The following CCSER1 variants were observed in gnomAD, a reference collection of about 807,000 sequenced individuals.
The protein encoded by CCSER1 is coiled-coil serine rich protein 1, also known as serine-rich coiled-coil domain-containing protein 1.
CCSER1 carries 41 observed loss-of-function variants against 82.0 expected under a neutral mutation model. The ratio of observed to expected loss-of-function variants is 0.50; its 90% confidence interval spans 0.39 to 0.65. The LOEUF is 0.65. CCSER1 is among the 30% of genes least tolerant of loss of function. CCSER1 has a pLI of 0.00. For missense variants in CCSER1, 1,119 were observed against 1,064.2 expected, an observed-to-expected ratio of 1.05 and a Z score of -0.72; for synonymous variants, 414 against 383.9, an observed-to-expected ratio of 1.08 and a Z score of -0.92.
intron 5 of CCSER1, among the ~76,000 whole-genome samples, chr4:90,509,361 A>G (rs775067532): frequency 1.5e-4 from 23 of 152,156 alleles, no homozygotes; most frequent in Non-Finnish European, 3.1e-4. Context: ...AATAAAAAAC[A>G]AAGAATAATA....
chr4:91,190,107 C>T (rs940888824), intron 10 of CCSER1, among the ~76,000 whole-genome samples: 1 of 152,186 alleles, frequency 6.6e-6, no homozygotes, highest in Non-Finnish European at 1.5e-5. Context: ...CCATGATTTC[C>T]TTATCCTAAT....
At chr4:90,817,219 A>G (rs1759139829) in intron 8 of CCSER1, among the ~76,000 whole-genome samples, 1 of 152,120 alleles carries the variant, frequency 6.6e-6, no homozygotes, top group Non-Finnish European at 1.5e-5. Context: ...ACCTATAGAT[A>G]TTTATTGCAT....
At chr4:90,469,174 A>T (rs1202707096) in intron 5 of CCSER1, among the ~76,000 whole-genome samples, 1 of 152,030 alleles carries the variant, frequency 6.6e-6, no homozygotes. Context: ...ATTTTTCTCC[A>T]TTGGATTACA....
chr4:91,428,393 C>T (rs1754111661), intron 10 of CCSER1, among the ~76,000 whole-genome samples: 1 of 151,998 alleles, frequency 6.6e-6, no homozygotes, highest in East Asian at 1.9e-4. Flanking sequence ...GACATGTGAA[C>T]AAATTTGGGT....
intron 10 of CCSER1, among the ~76,000 whole-genome samples, chr4:91,363,070 T>C (rs1749355064): frequency 6.6e-6 from 1 of 151,828 alleles, no homozygotes; most frequent in Non-Finnish European, 1.5e-5. Flanking sequence ...TTCTTTTTCT[T>C]TTTTGTCCAC....
intron 10 of CCSER1, among the ~76,000 whole-genome samples, chr4:91,255,189 C>G (rs1024988706): frequency 6.6e-6 from 1 of 152,130 alleles, no homozygotes; most frequent in African/African-American, 2.4e-5. Flanking sequence ...GGCATAGTTT[C>G]TGGGACAGAA....
chr4:91,009,202 G>A (rs1473060695), intron 9 of CCSER1, among the ~76,000 whole-genome samples: 2 of 152,192 alleles, frequency 1.3e-5, no homozygotes, highest in African/African-American at 2.4e-5. Flanking sequence ...GCAGAAGAGA[G>A]TGCATTTGCA....
chr4:91,435,256 A>C (rs564670416), intron 10 of CCSER1, among the ~76,000 whole-genome samples: 2 of 152,244 alleles, frequency 1.3e-5, no homozygotes, highest in African/African-American at 4.8e-5. Context: ...CGTAGACAAG[A>C]TGATGAAACT....
chr4:90,696,933 G>C (rs1737087934), intron 6 of CCSER1, among the ~76,000 whole-genome samples: 1 of 152,078 alleles, frequency 6.6e-6, no homozygotes, highest in Non-Finnish European at 1.5e-5. Flanking sequence ...TTACAGCTGG[G>C]AAAAAAATGA....
intron 8 of CCSER1, among the ~76,000 whole-genome samples, chr4:90,863,512 G>A (rs1338943257): frequency 2.0e-5 from 3 of 151,332 alleles, no homozygotes; most frequent in Non-Finnish European, 3.0e-5. Flanking sequence ...CACCCTTTTC[G>A]TTTCCTTTAT....
chr4:90,855,797 AG>A (rs1215823732), intron 8 of CCSER1, among the ~76,000 whole-genome samples: 1 of 152,148 alleles, frequency 6.6e-6, no homozygotes, highest in East Asian at 1.9e-4. Context: ...ATAAATGAAG[AG>A]GCTATGTCTT....
chr4:91,535,703 G>C (rs560351172), intron 10 of CCSER1, among the ~76,000 whole-genome samples: 1 of 131,428 alleles, frequency 7.6e-6, no homozygotes, highest in Non-Finnish European at 1.6e-5. Context: ...GTGAAAACAT[G>C]TGATAGTGCT....
intron 7 of CCSER1, among the ~76,000 whole-genome samples, chr4:90,811,981 TATATATATAAACAC>T (rs1561180670): frequency 5.6e-5 from 7 of 124,242 alleles, no homozygotes; most frequent in South Asian, 2.3e-4. Context: ...TATATATATA[TATATATATAAACAC>T]ATATATATAT....
At chr4:90,531,554 A>G (rs1774536815) in intron 5 of CCSER1, among the ~76,000 whole-genome samples, 1 of 152,168 alleles carries the variant, frequency 6.6e-6, no homozygotes, top group African/African-American at 2.4e-5. Flanking sequence ...AAGAGGGGCA[A>G]TACTTTCATT....
intron 9 of CCSER1, among the ~76,000 whole-genome samples, chr4:90,925,230 C>T (rs1728911444): frequency 6.6e-6 from 1 of 152,142 alleles, no homozygotes; most frequent in African/African-American, 2.4e-5. Flanking sequence ...TTAGAATCCA[C>T]TTACTTCAAG....
chr4:91,357,887 C>CCT (rs1491267861), intron 10 of CCSER1, among the ~76,000 whole-genome samples: 10 of 55,154 alleles, frequency 1.8e-4, no homozygotes, highest in Non-Finnish European at 2.9e-4. Context: ...CCCCCCCCCC[C>CCT]TTTTTTTTTT....
chr4:90,532,656 A>G (rs866943402), intron 5 of CCSER1, among the ~76,000 whole-genome samples: 4 of 152,260 alleles, frequency 2.6e-5, no homozygotes, highest in African/African-American at 4.8e-5. Context: ...GTTTCTAGAT[A>G]TGTTATTCTG....
intron 6 of CCSER1, among the ~76,000 whole-genome samples, chr4:90,691,855 C>G (rs1472229368): frequency 6.6e-6 from 1 of 151,718 alleles, no homozygotes; most frequent in Admixed American, 6.6e-5. Flanking sequence ...CCCATTCTAC[C>G]TTCCACCCTC....
At chr4:90,129,572 T>C (rs1163554620) in intron 1 of CCSER1, among the ~76,000 whole-genome samples, 1 of 152,208 alleles carries the variant, frequency 6.6e-6, no homozygotes, top group East Asian at 1.9e-4. Context: ...AATATTGAAA[T>C]TCCATGTTGT....
Sources: gnomAD v4.1 joint callset for allele counts (sites outside exome capture counted in the v4.1 genomes callset) on GRCh38, gnomAD v4.1.1 for gene constraint, MANE v1.5 for transcripts, NCBI Gene and HGNC (gene_info 2026-07-23, HGNC 2026-07-21) for gene names.